ANXA11: variants seen among roughly 807,000 people sequenced by gnomAD.
ANXA11 encodes the protein 56 kDa autoantigen.
ANXA11 carries 57 observed loss-of-function variants against 64.7 expected under a neutral mutation model. That is an observed-to-expected ratio of 0.88 (90% CI 0.71 to 1.10). The LOEUF (loss-of-function observed/expected upper bound fraction) is 1.10, where lower values mean the gene tolerates loss of function less well. ANXA11 is among the 50% of genes least tolerant of loss of function. ANXA11 has a pLI of 0.00. For synonymous variants in ANXA11, 260 were observed against 265.2 expected (o/e 0.98, Z 0.19); for missense variants, 675 against 670.7 (o/e 1.01, Z -0.07).
At chr10:80,164,181 T>TCA in intron 8 of ANXA11, 38 bp from the exon 9 acceptor site, 2 of 1,545,926 alleles carry the variant, frequency 1.3e-6, no homozygotes, top group Non-Finnish European at 1.8e-6. Flanking sequence ...ATGTGCTTGT[T>TCA]CCAGCAGCCT....
chr10:80,163,742 A>C, intron 9 of ANXA11, 129 bp from the exon 10 acceptor site: 1 of 847,434 alleles, frequency 1.2e-6, no homozygotes, highest in South Asian at 1.6e-5. Context: ...CAAGAGAACA[A>C]ATAGCCCATA....
upstream of ANXA11, chr10:80,205,683 G>A (rs1041316394): frequency 6.6e-6 from 1 of 152,150 alleles, no homozygotes; most frequent in East Asian, 1.9e-4. Flanking sequence ...AGGAAGTCTC[G>A]GGCTCCGGAG....
chr10:80,177,860 G>A (rs145773717), intron 1 of ANXA11, among the ~76,000 whole-genome samples: 1 of 152,234 alleles, frequency 6.6e-6, no homozygotes, highest in South Asian at 2.1e-4. Flanking sequence ...GTGGACACAG[G>A]CTCCCAGCGC....
At chr10:80,160,227 G>A (rs1024724691) in intron 12 of ANXA11, among the ~76,000 whole-genome samples, 1 of 152,202 alleles carries the variant, frequency 6.6e-6, no homozygotes, top group Non-Finnish European at 1.5e-5. Context: ...TGGGCTTGAT[G>A]CACTACTTAC....
chr10:80,202,283 G>T (rs1306607201), intron 1 of ANXA11, among the ~76,000 whole-genome samples: 3 of 151,848 alleles, frequency 2.0e-5, no homozygotes, highest in African/African-American at 7.3e-5. Context: ...TTTCTTAGTT[G>T]CCCCCACCCA....
intron 8 of ANXA11, among the ~76,000 whole-genome samples, chr10:80,165,463 C>T (rs2132394484): frequency 6.6e-6 from 1 of 152,338 alleles, no homozygotes; most frequent in African/African-American, 2.4e-5. Flanking sequence ...CCGTCAGAAC[C>T]TGCCCGTTTG....
At chr10:80,197,500 G>T (rs965569327) in intron 1 of ANXA11, among the ~76,000 whole-genome samples, 1 of 152,088 alleles carries the variant, frequency 6.6e-6, no homozygotes, top group African/African-American at 2.4e-5. Context: ...TACCAGCCAC[G>T]GAGACCGAAC....
rs1202942766 is a variant in ANXA11 at position 80,154,066 on chromosome 10, T to C, written c.*1787A>G. 6.6e-6 allele frequency: 1 copy of C among 151,790 alleles called. No homozygotes were observed. The highest frequency in any genetic ancestry group is 1.5e-5 in the Non-Finnish European group (1 of 68,052). 9.4% of individuals were successfully genotyped at this position (151,790 alleles called of 1,614,324 possible). A position where few individuals can be genotyped will look rare whatever the true frequency, so the allele number is the denominator to read the frequency against. On this transcript the variant is annotated 3_prime_UTR_variant, in exon 16 of 16. Coordinates refer to ENST00000422982, the MANE Select transcript of ANXA11 (RefSeq NM_145868.2). ...GATCTTCCTGCCTCAGCCTCCAGAG[T>C]AGCCGACTATAGGGAATGCACTACA...
chr10:80,168,493 T>C (rs1258985401), intron 5 of ANXA11, among the ~76,000 whole-genome samples: 11 of 151,782 alleles, frequency 7.2e-5, no homozygotes, highest in African/African-American at 4.8e-5. Context: ...AGGTGGGGAG[T>C]CTGCAAGAAG....
At chr10:80,170,581 C>T (rs577008202) in intron 4 of ANXA11, among the ~76,000 whole-genome samples, 1 of 152,344 alleles carries the variant, frequency 6.6e-6, no homozygotes, top group South Asian at 2.1e-4. Flanking sequence ...TGGTCCCCTT[C>T]CCCTCATTTT....
Position 80,155,611 on chromosome 10 carries a change from C to A in ANXA11, c.*242G>T. 1 of 496,842 alleles carries A rather than the reference C, an allele frequency of 2.0e-6. No homozygotes were observed. The highest frequency in any genetic ancestry group is 1.9e-5 in the African/African-American group (1 of 51,846). 30.8% of individuals were successfully genotyped at this position (496,842 alleles called of 1,614,324 possible). On this transcript the variant is annotated 3_prime_UTR_variant, in exon 16 of 16. Transcript: ENST00000422982. ...GATTGCATGAGTCAGAAAAATGAAA[C>A]ATCTATTTTAGCAGCAAGAGGCTGT...
chr10:80,171,166 G>A (rs759682656), intron 3 of ANXA11: 18 of 1,381,220 alleles, frequency 1.3e-5, no homozygotes, highest in Middle Eastern at 3.8e-4. Flanking sequence ...AAGACCCTCT[G>A]TGGGGTATTA....
At chr10:80,176,078 C>T (rs1192064506) in intron 2 of ANXA11, 29 bp downstream of exon 2, 1 of 152,118 alleles carries the variant, frequency 6.6e-6, no homozygotes, top group Non-Finnish European at 1.5e-5. Flanking sequence ...AAATAAAATA[C>T]AAAGATATCA....
In ANXA11 at chr10:80,153,028, GAGTAT is replaced by G. The variant is rs1845183729; in HGVS notation, c.*2820_*2824del. On this transcript the variant is annotated 3_prime_UTR_variant, in exon 16 of 16. Coordinates refer to ENST00000422982, the MANE Select transcript of ANXA11 (RefSeq NM_145868.2). ...ACACAAGCAGGTTATATAACAAGTG[GAGTAT>G]ACGCCTGTGACCTAAACTCGCTGAG... 1 of 152,234 alleles carries G rather than the reference GAGTAT, an allele frequency of 6.6e-6. No individual in the cohort carries two copies. Among genetic ancestry groups the G allele is most frequent in the African/African-American group, 2.4e-5 (1 of 41,452 alleles). 9.4% of individuals were successfully genotyped at this position (152,234 alleles called of 1,614,324 possible). A position where few individuals can be genotyped will look rare whatever the true frequency, so the allele number is the denominator to read the frequency against.
intron 1 of ANXA11, among the ~76,000 whole-genome samples, chr10:80,182,179 T>A (rs1429348510): frequency 1.4e-5 from 2 of 139,608 alleles, no homozygotes; most frequent in Non-Finnish European, 3.1e-5. Flanking sequence ...TGTAACAATA[T>A]ACCACTGTGG....
intron 11 of ANXA11, among the ~76,000 whole-genome samples, chr10:80,162,371 C>T (rs372049279): frequency 2.2e-4 from 33 of 152,342 alleles, no homozygotes; most frequent in African/African-American, 7.7e-4. Flanking sequence ...CAGGCGTGTC[C>T]AGCCCTGACT....
chr10:80,159,518 CTG>C (rs1845422961), intron 12 of ANXA11, among the ~76,000 whole-genome samples: 1 of 152,190 alleles, frequency 6.6e-6, no homozygotes, highest in Admixed American at 6.5e-5. Flanking sequence ...GCCTTCAAAA[CTG>C]TAACAAAATG....
intron 11 of ANXA11, among the ~76,000 whole-genome samples, 181 bp downstream of exon 11, chr10:80,163,168 G>A (rs1416044314): frequency 6.6e-6 from 1 of 151,712 alleles, no homozygotes; most frequent in East Asian, 1.9e-4. Context: ...TGAAGCCCTG[G>A]AGGTCAGATT....
At chr10:80,186,673 T>G (rs1846552508) in intron 1 of ANXA11, among the ~76,000 whole-genome samples, 1 of 152,138 alleles carries the variant, frequency 6.6e-6, no homozygotes, top group Non-Finnish European at 1.5e-5. Context: ...GAATTTTCAC[T>G]GAGGTGTGGC....
Sources: gnomAD v4.1 joint callset for allele counts (sites outside exome capture counted in the v4.1 genomes callset) on GRCh38, gnomAD v4.1.1 for gene constraint, MANE v1.5 for transcripts, NCBI Gene and HGNC (gene_info 2026-07-23, HGNC 2026-07-21) for gene names.